The following SGSM1 variants were observed in gnomAD, a reference collection of about 807,000 sequenced individuals.
SGSM1 encodes RUN and TBC1 domain containing 2.
In SGSM1, 73 loss-of-function variants were observed where a neutral mutation model predicts 133.8. That is an observed-to-expected ratio of 0.55 (90% CI 0.45 to 0.66). The LOEUF (loss-of-function observed/expected upper bound fraction) is 0.66. Among genes scored for constraint, SGSM1 ranks in the 30% least tolerant of loss-of-function variants. The probability of loss-of-function intolerance (pLI) is 0.00; values close to 1 mark genes in which losing one functional copy is unlikely to be tolerated. For synonymous variants in SGSM1, 563 were observed against 573.0 expected, an observed-to-expected ratio of 0.98 and a Z score of 0.25; for missense variants, 1,213 against 1,448.1, an observed-to-expected ratio of 0.84 and a Z score of 2.64.
intron 19 of SGSM1, among the ~76,000 whole-genome samples, chr22:24,900,337 C>G: frequency 7.4e-6 from 1 of 134,852 alleles, no homozygotes. Flanking sequence ...TTATTGTTAA[C>G]CTCTTCTTTC....
chr22:24,806,621 T>C (rs1051801816), intron 2 of SGSM1, 137 bp downstream of exon 2: 7 of 1,051,442 alleles, frequency 6.7e-6, no homozygotes, highest in Admixed American at 3.9e-5. Context: ...TGGGTGGGCA[T>C]TGACCTCCCG....
At chr22:24,843,165 C>G (rs1929902974) in intron 2 of SGSM1, among the ~76,000 whole-genome samples, 1 of 152,326 alleles carries the variant, frequency 6.6e-6, no homozygotes, top group East Asian at 1.9e-4. Context: ...TCATGGGCCT[C>G]CCTAGATAGT....
At chr22:24,877,118 G>C (rs1189752535) in intron 13 of SGSM1, among the ~76,000 whole-genome samples, 1 of 152,148 alleles carries the variant, frequency 6.6e-6, no homozygotes, top group African/African-American at 2.4e-5. Flanking sequence ...CGATAAAAAG[G>C]CTCTGCCCAA....
At chr22:24,916,675 G>A (rs1933832724) in intron 22 of SGSM1, among the ~76,000 whole-genome samples, 1 of 151,928 alleles carries the variant, frequency 6.6e-6, no homozygotes, top group Non-Finnish European at 1.5e-5. Flanking sequence ...TTCAGCCTGG[G>A]CAATAGAGTG....
intron 2 of SGSM1, among the ~76,000 whole-genome samples, chr22:24,823,565 C>G (rs1358135169): frequency 6.6e-6 from 1 of 151,956 alleles, no homozygotes; most frequent in Non-Finnish European, 1.5e-5. Flanking sequence ...TGCGCCACTG[C>G]ACTCCAGCCT....
At position 24,874,423 on chromosome 22, in the gene SGSM1, G is replaced by A. The variant is rs186909479; in HGVS notation, c.1292-2154G>A. On this transcript the variant is annotated intron_variant, in intron 12 of 24. Coordinates refer to ENST00000400358, the MANE Select transcript of SGSM1 (RefSeq NM_001098497.3). The stretch of plus-strand genomic sequence containing the variant: ...CTGTTTTGTGTCTCAAGTTGCCCCC[G>A]ACTTCTTGGGCAGCACTTCCTCCGT... 1.6e-4 allele frequency: 254 copies of A among 1,608,974 alleles called. 1 individual carries two copies. The African/African-American group carries it at 1.9e-3, about 12-fold the overall frequency.
chr22:24,806,582 G>T, intron 2 of SGSM1, 98 bp downstream of exon 2: 1 of 1,400,556 alleles, frequency 7.1e-7, no homozygotes, highest in Non-Finnish European at 9.4e-7. Flanking sequence ...GGCGGCGGGG[G>T]GGCGGCCAGA....
intron 21 of SGSM1, among the ~76,000 whole-genome samples, chr22:24,910,150 A>G (rs534497642): frequency 6.6e-6 from 1 of 152,328 alleles, no homozygotes; most frequent in African/African-American, 2.4e-5. Context: ...AGACAAATCC[A>G]TGGAGACAGA....
chr22:24,855,092 C>G, intron 6 of SGSM1, 29 bp downstream of exon 6: 11 of 1,607,368 alleles, frequency 6.8e-6, no homozygotes, highest in Non-Finnish European at 9.4e-6. Context: ...TGAGCTTCAT[C>G]TAGACCCGTG....
chr22:24,878,724 T>C (rs1325063743), intron 13 of SGSM1, among the ~76,000 whole-genome samples: 1 of 152,168 alleles, frequency 6.6e-6, no homozygotes, highest in Middle Eastern at 3.2e-3. Flanking sequence ...AAAATTCCCA[T>C]GCAAGGAGAA....
At chr22:24,815,178 T>G (rs1218207436) in intron 2 of SGSM1, among the ~76,000 whole-genome samples, 1 of 152,324 alleles carries the variant, frequency 6.6e-6, no homozygotes, top group Admixed American at 6.5e-5. Flanking sequence ...ACAGTTCCTT[T>G]TGCAGTAAGG....
chr22:24,837,558 A>AC (rs1427085664), intron 2 of SGSM1, among the ~76,000 whole-genome samples: 1 of 138,166 alleles, frequency 7.2e-6, no homozygotes, highest in Non-Finnish European at 1.5e-5. Context: ...TCTTCTCTAA[A>AC]CTCCCCCGGG....
chr22:24,918,723 G>T (rs371271972), intron 23 of SGSM1, among the ~76,000 whole-genome samples: 13 of 151,768 alleles, frequency 8.6e-5, no homozygotes, highest in East Asian at 7.8e-4. Context: ...AGGAAGGCTT[G>T]CTTTTCTTTT....
intron 17 of SGSM1, among the ~76,000 whole-genome samples, chr22:24,894,650 C>T (rs1266054945): frequency 6.6e-6 from 1 of 152,172 alleles, no homozygotes. Context: ...GGTGACTCAG[C>T]TGTGCTCCAC....
At chr22:24,889,983 G>A (rs1439325192) in intron 16 of SGSM1, among the ~76,000 whole-genome samples, 1 of 137,700 alleles carries the variant, frequency 7.3e-6, no homozygotes, top group African/African-American at 2.8e-5. Flanking sequence ...TTGAGACGGA[G>A]TCTTGCTCTG....
chr22:24,886,847 G>T, intron 16 of SGSM1, 119 bp downstream of exon 16: 1 of 1,320,544 alleles, frequency 7.6e-7, no homozygotes, highest in Non-Finnish European at 1.0e-6. Context: ...CGGGGAAGAT[G>T]GGAACCTGAA....
chr22:24,809,312 C>A (rs1927598728), intron 2 of SGSM1, among the ~76,000 whole-genome samples: 1 of 152,222 alleles, frequency 6.6e-6, no homozygotes, highest in African/African-American at 2.4e-5. Flanking sequence ...TCAAAGGAGC[C>A]ACATCTCTGC....
chr22:24,898,570 A>G lies in SGSM1; in HGVS notation c.2610+11A>G, dbSNP rs376524098. On this transcript the variant is annotated intron_variant, in intron 19 of 24. Coordinates refer to ENST00000400358, the MANE Select transcript of SGSM1 (RefSeq NM_001098497.3). ...GGCGTCACCTACTCTGTAAGTCACC[A>G]GGACCCTCCGTTCCATTTCCTTCTT... The G allele has an allele frequency of 4.9e-5, 77 of 1,580,782 alleles. No homozygotes were observed. Among genetic ancestry groups the G allele is most frequent in the Admixed American group, 1.4e-4 (8 of 56,184 alleles).
chr22:24,905,788 CA>C (rs539155528), intron 21 of SGSM1, among the ~76,000 whole-genome samples: 1,887 of 88,498 alleles, frequency 0.021, 13 homozygotes, highest in Middle Eastern at 0.04. Flanking sequence ...GACTCTGTCT[CA>C]AAAAAAAAAA....
Sources: allele counts gnomAD v4.1 joint callset (sites outside exome capture counted in the v4.1 genomes callset), GRCh38; gene constraint gnomAD v4.1.1; transcripts MANE v1.5; gene names NCBI Gene and HGNC (gene_info 2026-07-23, HGNC 2026-07-21).